Variants in CELF2 observed in about 807,000 individuals in gnomAD.
The protein encoded by CELF2 is CUG triplet repeat RNA-binding protein 2.
CELF2 carries 8 observed loss-of-function variants against 62.6 expected under a neutral mutation model. The ratio of observed to expected loss-of-function variants is 0.13; its 90% CI spans 0.07 to 0.23. The LOEUF (loss-of-function observed/expected upper bound fraction) is 0.23, where lower values mean the gene tolerates loss of function less well. Ranked by LOEUF, CELF2 falls within the 10% of genes least tolerant of loss-of-function variation. The pLI is 1.00. For missense variants in CELF2, 333 were observed against 671.0 expected (o/e 0.50, Z 5.56); for synonymous variants, 258 against 250.0 (o/e 1.03, Z -0.30).
the CELF2 span, among the ~76,000 whole-genome samples, chr10:10,615,228 T>C: frequency 6.6e-6 from 1 of 152,126 alleles, no homozygotes; most frequent in Non-Finnish European, 1.5e-5. Context: ...ATCTTCATTG[T>C]TTGTGGGTCC....
intron 1 of CELF2, among the ~76,000 whole-genome samples, chr10:11,086,797 G>C (rs1456026686): frequency 1.3e-5 from 2 of 152,002 alleles, no homozygotes; most frequent in Admixed American, 6.6e-5. Flanking sequence ...CTTCCTGCAT[G>C]GTTAGACCAA....
rs2137493134 is a variant in CELF2 at position 11,012,307 on chromosome 10, A to G, written c.53+6867A>G. On this transcript the variant is annotated intron_variant, in intron 1 of 12. Coordinates refer to the CELF2 transcript ENST00000416382. This position sits in a 1 kb window ranked among gnomAD's most constrained non-coding sequence, Gnocchi z 5.5. Reference sequence around the variant, plus strand: ...AGCTCTTTGGGAGGGATCAGTTACCATAGTGAGTCAAGTAGATTCATTTGC... The same window carrying G: ...AGCTCTTTGGGAGGGATCAGTTACCGTAGTGAGTCAAGTAGATTCATTTGC... Among the ~76,000 whole-genome samples, 1 of 152,362 alleles carries G rather than the reference A, an allele frequency of 6.6e-6. No individual in the cohort carries two copies. Among genetic ancestry groups the G allele is most frequent in the East Asian group, 1.9e-4 (1 of 5,188 alleles).
Position 11,243,087 on chromosome 10 carries a change from T to C in CELF2, c.355-6066T>C, listed in dbSNP as rs3740190. On this transcript the variant is annotated intron_variant, in intron 3 of 12. Transcript: ENST00000633077. The surrounding 1 kb of genome is among the most constrained non-coding windows in gnomAD (Gnocchi z 4.1). ...CCAAGCAGACCCCTGAAGGACTATA[T>C]CTCTGTGTGCCGAGATGCTCCCCTC... 0.23 allele frequency among the ~76,000 whole-genome samples: 34,505 copies of C among 151,912 alleles called. 4,084 individuals are homozygous for C. The highest frequency in any genetic ancestry group is 0.28 in the Admixed American group (4,283 of 15,260).
the CELF2 span, among the ~76,000 whole-genome samples, chr10:10,749,336 T>C: frequency 1.3e-5 from 2 of 152,098 alleles, no homozygotes; most frequent in South Asian, 2.1e-4. Context: ...CTATAATAAA[T>C]AGGCTACAGC....
intron 2 of CELF2, among the ~76,000 whole-genome samples, chr10:11,216,557 A>T (rs1259721894): frequency 1.3e-5 from 2 of 152,244 alleles, no homozygotes; most frequent in Admixed American, 6.5e-5. Flanking sequence ...ATATTGCTGA[A>T]CAAATAGCCA....
the CELF2 span, among the ~76,000 whole-genome samples, chr10:10,630,117 G>A: frequency 0.34 from 51,333 of 151,876 alleles, 9,946 homozygotes; most frequent in South Asian, 0.64. Context: ...CACTTTCCCC[G>A]AATGCTTCCT....
chr10:10,754,333 G>C, the CELF2 span, among the ~76,000 whole-genome samples: 1 of 151,684 alleles, frequency 6.6e-6, no homozygotes, highest in African/African-American at 2.4e-5. Flanking sequence ...TTTATTTTTT[G>C]TAGAAATGGG....
chr10:10,821,324 G>A (rs897222639), intron 1 of CELF2, among the ~76,000 whole-genome samples: 5 of 152,142 alleles, frequency 3.3e-5, no homozygotes, highest in African/African-American at 9.7e-5. Flanking sequence ...GAAGGCACAC[G>A]TGGATGCTGG....
In CELF2 at chr10:11,228,736, A is replaced by G. The variant is rs893408613; in HGVS notation, c.354+11229A>G. 1.4e-3 allele frequency among the ~76,000 whole-genome samples: 108 copies of G among 74,828 alleles called. 1 individual carries two copies. The highest frequency in any genetic ancestry group is 4.2e-3 in the African/African-American group (101 of 24,156). 49.1% of individuals were successfully genotyped at this position (74,828 alleles called of 152,430 possible). On this transcript the variant is annotated intron_variant, in intron 3 of 12. Transcript: ENST00000633077. Reference sequence around the variant, plus strand: ...CCCCTCGCAAAAAAAAAAAAAAAAAAAAAAAAAAACTTGGAACCACCATTT... The same window carrying G: ...CCCCTCGCAAAAAAAAAAAAAAAAAGAAAAAAAAACTTGGAACCACCATTT...
the CELF2 span, among the ~76,000 whole-genome samples, chr10:10,485,204 T>C: frequency 3.9e-5 from 6 of 152,312 alleles, no homozygotes; most frequent in South Asian, 8.3e-4. Context: ...ATTCATGTTG[T>C]TACAGTATAA....
At chr10:10,521,945 G>T in the CELF2 span, among the ~76,000 whole-genome samples, 1 of 152,118 alleles carries the variant, frequency 6.6e-6, no homozygotes, top group Non-Finnish European at 1.5e-5. Flanking sequence ...GGAATGAATG[G>T]GGGTAACGGG....
At chr10:11,236,712 G>A (rs1276038226) in intron 3 of CELF2, among the ~76,000 whole-genome samples, 2 of 152,124 alleles carry the variant, frequency 1.3e-5, no homozygotes, top group African/African-American at 2.4e-5. Context: ...CTACAAAAAC[G>A]GCAATTTCAC....
upstream of CELF2, chr10:10,798,510 T>C: frequency 2.7e-6 from 1 of 369,538 alleles, no homozygotes; most frequent in Non-Finnish European, 4.8e-6. Flanking sequence ...TACAAAAAGG[T>C]CAAATTTGAT....
chr10:10,638,648 TA>T, the CELF2 span, among the ~76,000 whole-genome samples: 1 of 152,226 alleles, frequency 6.6e-6, no homozygotes, highest in African/African-American at 2.4e-5. Context: ...GGGTGCTTAC[TA>T]AAGGACAGGC....
chr10:10,961,663 T>C (rs2049517274), intron 2 of CELF2, among the ~76,000 whole-genome samples: 1 of 151,914 alleles, frequency 6.6e-6, no homozygotes, highest in South Asian at 2.1e-4. Flanking sequence ...TGAAAATGGC[T>C]TGAGCCCAAG....
chr10:10,727,567 G>A, the CELF2 span, among the ~76,000 whole-genome samples: 4 of 152,024 alleles, frequency 2.6e-5, no homozygotes, highest in Non-Finnish European at 5.9e-5. Flanking sequence ...ATGAGGTCGG[G>A]AGATCGAGAC....
chr10:10,777,847 T>G, the CELF2 span, among the ~76,000 whole-genome samples: 1 of 152,100 alleles, frequency 6.6e-6, no homozygotes, highest in Non-Finnish European at 1.5e-5. Context: ...TACCCTAAAC[T>G]CAACCCTAAT....
chr10:10,866,920 CAAAAAAAAA>C (rs56098222), intron 1 of CELF2, among the ~76,000 whole-genome samples: 1 of 97,742 alleles, frequency 1.0e-5, no homozygotes, highest in African/African-American at 4.3e-5. Flanking sequence ...AACTCCTTCT[CAAAAAAAAA>C]AAAAAAAAAA....
chr10:10,991,126 C>G (rs2136682920), intron 2 of CELF2, among the ~76,000 whole-genome samples: 1 of 152,212 alleles, frequency 6.6e-6, no homozygotes, highest in South Asian at 2.1e-4. Flanking sequence ...CGGCTTTAAT[C>G]TCAGGTTATG....
Sources: gnomAD v4.1 joint callset for allele counts (sites outside exome capture counted in the v4.1 genomes callset) on GRCh38, gnomAD v4.1.1 for gene constraint, Gnocchi (gnomAD v3.1) non-coding constraint, MANE v1.5 for transcripts, NCBI Gene and HGNC (gene_info 2026-07-23, HGNC 2026-07-21) for gene names.